The following LUZP1 variants were observed in gnomAD, a reference collection of about 807,000 sequenced individuals.
LUZP1 encodes the protein filamin mechanobinding actin cross-linking protein.
A neutral mutation model predicts 71.3 loss-of-function variants in LUZP1; 25 were observed. That is an observed-to-expected ratio of 0.35 (90% CI 0.26 to 0.49). The LOEUF is 0.49. Ranked by LOEUF, LUZP1 falls within the 20% of genes least tolerant of loss-of-function variation. LUZP1 has a pLI of 0.99. For synonymous variants in LUZP1, 481 were observed against 506.4 expected, an observed-to-expected ratio of 0.95 and a Z score of 0.67; for missense variants, 1,142 against 1,300.8, an observed-to-expected ratio of 0.88 and a Z score of 1.88.
chr1:23,107,929 G>A (rs1643996988), intron 3 of LUZP1, among the ~76,000 whole-genome samples: 1 of 152,228 alleles, frequency 6.6e-6, no homozygotes, highest in South Asian at 2.1e-4. Context: ...GAGAGCAAGA[G>A]GCTTTGTTAA....
chr1:23,093,542 T>C lies in LUZP1; in HGVS notation c.720A>G (p.Leu240=). The C allele has an allele frequency of 1.2e-6, 2 of 1,613,898 alleles. No individual in the cohort carries two copies. Among genetic ancestry groups the C allele is most frequent in the East Asian group, 2.2e-5 (1 of 44,884 alleles). The stretch of plus-strand genomic sequence containing the variant: ...TGGAAGAGATGCCATCCTCAATCCG[T>C]AGGTCATTTCTTTCCAGATTAGAAG... Residue 240 remains leucine, a synonymous_variant, in exon 4 of 5, where the codon CTA becomes CTG. Transcript: ENST00000302291. The surrounding 1 kb of genome is among the most constrained non-coding windows in gnomAD (Gnocchi z 4.2).
intron 2 of LUZP1, among the ~76,000 whole-genome samples, chr1:23,145,006 C>A (rs985773632): frequency 6.6e-6 from 1 of 151,980 alleles, no homozygotes; most frequent in African/African-American, 2.4e-5. Context: ...AGTGATCTTC[C>A]CACCTCAGCC....
intron 2 of LUZP1, among the ~76,000 whole-genome samples, chr1:23,117,454 C>CCTCTCTCTCTCT (rs1185318512): frequency 0.027 from 356 of 13,338 alleles, 44 homozygotes; most frequent in Middle Eastern, 0.14. Flanking sequence ...TTTTTTTTTT[C>CCTCTCTCTCTCT]CTCTCTCTCT....
In LUZP1 at chr1:23,158,497, A is replaced by C. The variant is rs531351178; in HGVS notation, c.-226+10269T>G. 2.0e-5 allele frequency among the ~76,000 whole-genome samples: 3 copies of C among 152,034 alleles called. No homozygotes were observed. In the East Asian group the frequency reaches 5.8e-4, roughly 29 times the overall value. On this transcript the variant is annotated intron_variant, in intron 2 of 4. Coordinates refer to ENST00000302291, the Ensembl canonical transcript of LUZP1. Reference sequence around the variant, plus strand: ...AACCCTGCCTACTAAAAATACAAAAATTAGCCAGGCATGGTGGCAGGCGCC... The same window carrying C: ...AACCCTGCCTACTAAAAATACAAAACTTAGCCAGGCATGGTGGCAGGCGCC...
At chr1:23,141,692 T>C (rs1041494329) in intron 2 of LUZP1, among the ~76,000 whole-genome samples, 4 of 152,028 alleles carry the variant, frequency 2.6e-5, no homozygotes, top group Non-Finnish European at 5.9e-5. Flanking sequence ...AATTTTTGTG[T>C]TTTTTTGGAA....
At chr1:23,152,641 C>T (rs1644393174) in intron 2 of LUZP1, among the ~76,000 whole-genome samples, 1 of 152,100 alleles carries the variant, frequency 6.6e-6, no homozygotes, top group African/African-American at 2.4e-5. Flanking sequence ...AGCGATTCTC[C>T]TGCTTCAGCC....
At chr1:23,157,200 T>C (rs1644426834) in intron 2 of LUZP1, among the ~76,000 whole-genome samples, 1 of 152,056 alleles carries the variant, frequency 6.6e-6, no homozygotes, top group Non-Finnish European at 1.5e-5. Flanking sequence ...GATGTGGTAG[T>C]GCGTGCCTAT....
chr1:23,125,111 C>G (rs1339497204), intron 2 of LUZP1, among the ~76,000 whole-genome samples: 2 of 152,160 alleles, frequency 1.3e-5, no homozygotes, highest in Admixed American at 6.5e-5. Context: ...TTAGAAAACC[C>G]TGTCCTCAAT....
At chr1:23,085,093 T>C (rs1215432531) in exon 5 of LUZP1, 3 of 152,628 alleles carry the variant, frequency 2.0e-5, no homozygotes, top group Non-Finnish European at 2.9e-5. Flanking sequence ...CCTGAGCCAC[T>C]GCTTTGCCCT....
At chr1:23,176,613 C>T (rs1363441541) in intron 1 of LUZP1, among the ~76,000 whole-genome samples, 1 of 152,074 alleles carries the variant, frequency 6.6e-6, no homozygotes. Flanking sequence ...ACCATCCGAC[C>T]TTATAGTGAG....
chr1:23,142,153 A>T (rs188047081), intron 2 of LUZP1, among the ~76,000 whole-genome samples: 30 of 152,138 alleles, frequency 2.0e-4, no homozygotes, highest in Admixed American at 7.2e-4. Context: ...GCAAAAGCCC[A>T]GCTAATTTTT....
At chr1:23,117,075 T>C (rs1644085152) in intron 2 of LUZP1, among the ~76,000 whole-genome samples, 2 of 152,226 alleles carry the variant, frequency 1.3e-5, no homozygotes, top group South Asian at 2.1e-4. Flanking sequence ...AGGGTCACTA[T>C]TATTTCTACC....
chr1:23,121,842 C>G (rs966078609), intron 2 of LUZP1, among the ~76,000 whole-genome samples: 1 of 151,912 alleles, frequency 6.6e-6, no homozygotes, highest in African/African-American at 2.4e-5. Flanking sequence ...TGAAACCCCC[C>G]CTCTACTAAA....
At chr1:23,091,513 G>A in exon 4 of LUZP1, 1 of 1,614,154 alleles carries the variant, frequency 6.2e-7, no homozygotes, top group African/African-American at 1.3e-5. Flanking sequence ...ACAGTAACAT[G>A]TCTGGCATCT....
At chr1:23,149,244 G>C (rs1290047914) in intron 2 of LUZP1, among the ~76,000 whole-genome samples, 1 of 152,132 alleles carries the variant, frequency 6.6e-6, no homozygotes, top group East Asian at 1.9e-4. Context: ...ACTGAGGAGA[G>C]AGGAAGAGAA....
chr1:23,091,009 A>G, intron 4 of LUZP1, 181 bp downstream of exon 3: 1 of 753,134 alleles, frequency 1.3e-6, no homozygotes, highest in East Asian at 2.7e-5. Flanking sequence ...TGATGCTGCC[A>G]AAAACCTTCT....
Position 23,176,872 on chromosome 1 carries a change from TG to T in LUZP1, c.-485+618del, listed in dbSNP as rs1480145475. On this transcript the variant is annotated intron_variant, in intron 1 of 4. Coordinates refer to ENST00000302291, the Ensembl canonical transcript of LUZP1. ...AAGCAGACTTGGAGAGCTATAATTT[TG>T]GGGGGTTTTTTGTTTTTTGTTTTTT... Among the ~76,000 whole-genome samples the T allele has an allele frequency of 5.4e-5, 8 of 147,876 alleles. No individual in the cohort carries two copies. The East Asian group carries it at 6.0e-4, about 11-fold the overall frequency.
At chr1:23,142,694 TATATATACACACACACACACACACAC>T (rs1644313198) in intron 2 of LUZP1, among the ~76,000 whole-genome samples, 1 of 85,742 alleles carries the variant, frequency 1.2e-5, no homozygotes, top group South Asian at 4.1e-4. Flanking sequence ...AAAATATATA[TATATATACACACACACACACACACAC>T]ACACACACAC....
intron 1 of LUZP1, among the ~76,000 whole-genome samples, chr1:23,174,211 A>G (rs1044920353): frequency 2.0e-5 from 3 of 152,196 alleles, no homozygotes; most frequent in Non-Finnish European, 4.4e-5. Context: ...CTCAGAGTCC[A>G]AGGATTGAGA....
Sources: gnomAD v4.1 joint callset for allele counts (sites outside exome capture counted in the v4.1 genomes callset) on GRCh38, gnomAD v4.1.1 for gene constraint, Gnocchi (gnomAD v3.1) non-coding constraint, MANE v1.5 for transcripts, NCBI Gene and HGNC (gene_info 2026-07-23, HGNC 2026-07-21) for gene names.